Variants in NPFFR1 observed in about 807,000 individuals in gnomAD.
NPFFR1 encodes the protein G-protein coupled receptor 147.
A neutral mutation model predicts 12.7 loss-of-function variants in NPFFR1; 17 were observed. That is an observed-to-expected ratio of 1.34 (90% confidence interval 0.92 to 2.01). The LOEUF (loss-of-function observed/expected upper bound fraction) is 2.01. Among genes scored for constraint, NPFFR1 ranks in the 30% most tolerant of loss-of-function variants. The pLI is 0.00. For synonymous variants in NPFFR1, 296 were observed against 264.5 expected, an observed-to-expected ratio of 1.12 and a Z score of -1.16; for missense variants, 604 against 606.5, an observed-to-expected ratio of 1.00 and a Z score of 0.04.
rs1840478670 is a variant in NPFFR1, at chr10:70,248,528, C to T, written c.*6429G>A. On this transcript the variant is annotated 3_prime_UTR_variant, in exon 4 of 4. Coordinates refer to ENST00000277942, the MANE Select transcript of NPFFR1 (RefSeq NM_022146.5). Reference sequence around the variant, plus strand: ...TGAGATGGAGTCTCACTCTGTTGCCCAGGATAGAGTACAGTGGCGCTATCT... The same window carrying T: ...TGAGATGGAGTCTCACTCTGTTGCCTAGGATAGAGTACAGTGGCGCTATCT... 1 of 125,360 alleles carries T rather than the reference C, an allele frequency of 8.0e-6. No homozygotes were observed. Among genetic ancestry groups the T allele is most frequent in the African/African-American group, 3.1e-5 (1 of 32,366 alleles). 7.8% of individuals were successfully genotyped at this position (125,360 alleles called of 1,614,324 possible).
At position 70,280,683 on chromosome 10, in the gene NPFFR1, G is replaced by T. The variant is rs76482907; in HGVS notation, c.7+2987C>A. Reference sequence around the variant, plus strand: ...CATTATTTTCTTTCTTTTTGAAAACGCTTTTTTGTTTTGTTGTGCTTATTA... The same window carrying T: ...CATTATTTTCTTTCTTTTTGAAAACTCTTTTTTGTTTTGTTGTGCTTATTA... On this transcript the variant is annotated intron_variant, in intron 1 of 3. Transcript: ENST00000277942. Among the ~76,000 whole-genome samples the T allele has an allele frequency of 5.6e-4, 85 of 152,140 alleles. 1 individual carries two copies. In the East Asian group the frequency reaches 0.015, roughly 27 times the overall value.
At chr10:70,257,337 GC>G (rs1280898787) in intron 3 of NPFFR1, among the ~76,000 whole-genome samples, 4 of 152,172 alleles carry the variant, frequency 2.6e-5, no homozygotes, top group African/African-American at 9.7e-5. Flanking sequence ...CAGCCACTTT[GC>G]CCCAGCCATT....
intron 1 of NPFFR1, among the ~76,000 whole-genome samples, chr10:70,269,514 AT>A (rs112183102): frequency 0.11 from 15,068 of 140,940 alleles, 842 homozygotes; most frequent in East Asian, 0.19. Context: ...TCCCCACTGC[AT>A]TTTTTTTTTT....
intron 1 of NPFFR1, among the ~76,000 whole-genome samples, chr10:70,276,384 T>C (rs751464104): frequency 1.3e-5 from 2 of 152,176 alleles, no homozygotes; most frequent in Non-Finnish European, 2.9e-5. Context: ...TTAGGAAATA[T>C]TCTGATAAAC....
At position 70,283,757 on chromosome 10, in the gene NPFFR1, TCTCCGGG is replaced by T; in HGVS notation, c.-88_-82del. On this transcript the variant is annotated 5_prime_UTR_variant, in exon 1 of 4. Coordinates refer to ENST00000277942, the MANE Select transcript of NPFFR1 (RefSeq NM_022146.5). ...TTCGGGCCAGCGGGCAGAGGGACGG[TCTCCGGG>T]CACTTGGTTGCGGGCTGCGCCCCTG... 1 of 1,475,804 alleles carries T rather than the reference TCTCCGGG, an allele frequency of 6.8e-7. No individual in the cohort carries two copies. Among genetic ancestry groups the T allele is most frequent in the Non-Finnish European group, 9.1e-7 (1 of 1,094,524 alleles). The allele number at this position is 1,475,804 out of a possible 1,614,324, so 91.4% of individuals were successfully genotyped here. A position where few individuals can be genotyped will look rare whatever the true frequency, so the allele number is the denominator to read the frequency against.
chr10:70,283,724 CG>C lies in NPFFR1; in HGVS notation c.-49del. Reference sequence around the variant, plus strand: ...GGCGGTCTCCGATGGCGGGAGGCAGCGGGCCCCTTCGGGCCAGCGGGCAGAG... The same window carrying C: ...GGCGGTCTCCGATGGCGGGAGGCAGCGGCCCCTTCGGGCCAGCGGGCAGAG... On this transcript the variant is annotated 5_prime_UTR_variant, in exon 1 of 4. Coordinates refer to ENST00000277942, the MANE Select transcript of NPFFR1 (RefSeq NM_022146.5). 1 of 1,531,006 alleles carries C rather than the reference CG, an allele frequency of 6.5e-7. No homozygotes were observed. The highest frequency in any genetic ancestry group is 8.7e-7 in the Non-Finnish European group (1 of 1,143,646). 94.8% of individuals were successfully genotyped at this position (1,531,006 alleles called of 1,614,324 possible).
intron 1 of NPFFR1, among the ~76,000 whole-genome samples, chr10:70,277,425 A>G (rs964434275): frequency 5.9e-5 from 9 of 152,246 alleles, no homozygotes; most frequent in Admixed American, 3.3e-4. Flanking sequence ...CAGCCCCAGG[A>G]TGATGATATG....
rs1391515599 is a variant in NPFFR1 at position 70,266,357 on chromosome 10, GGGCCAACTGCTGTTGGGA to G, written c.24_41del (p.Pro9_Pro14del). ...CAGTGTTAGTCCCATTCTGACTTAG[GGGCCAACTGCTGTTGGGA>G]GGCTGGGAGGGCTCCCCTAGGACCA... On this transcript the variant is annotated inframe_deletion, in exon 2 of 4. Coordinates refer to ENST00000277942, the MANE Select transcript of NPFFR1 (RefSeq NM_022146.5). The G allele has an allele frequency of 6.2e-7, 1 of 1,613,554 alleles. No homozygotes were observed. The highest frequency in any genetic ancestry group is 1.3e-5 in the African/African-American group (1 of 75,020).
In NPFFR1 at chr10:70,261,928, G is replaced by A. The variant is rs1244015897; in HGVS notation, c.323-1189C>T. 2.6e-5 allele frequency among the ~76,000 whole-genome samples: 4 copies of A among 152,158 alleles called. No homozygotes were observed. In the East Asian group the frequency reaches 7.7e-4, roughly 29 times the overall value. On this transcript the variant is annotated intron_variant, in intron 2 of 3. Coordinates refer to ENST00000277942, the MANE Select transcript of NPFFR1 (RefSeq NM_022146.5). ...CCTGAGCAGCTGGAACCACAGGCAT[G>A]TGGTTTGCAAAAAGCAAAGTATAAA...
chr10:70,281,242 A>C (rs1041084565), intron 1 of NPFFR1, among the ~76,000 whole-genome samples: 1 of 152,170 alleles, frequency 6.6e-6, no homozygotes, highest in Non-Finnish European at 1.5e-5. Context: ...GGGACAACCC[A>C]AAACTGCAGG....
intron 2 of NPFFR1, among the ~76,000 whole-genome samples, chr10:70,261,331 G>C (rs1840631270): frequency 6.6e-6 from 1 of 152,130 alleles, no homozygotes; most frequent in Non-Finnish European, 1.5e-5. Flanking sequence ...ATGATTGTAA[G>C]TTTCCTGAGG....
intron 2 of NPFFR1, among the ~76,000 whole-genome samples, chr10:70,263,130 G>C (rs752683185): frequency 1.3e-5 from 2 of 151,978 alleles, no homozygotes; most frequent in African/African-American, 4.8e-5. Flanking sequence ...TCTCACCACC[G>C]CACTCCAGCC....
chr10:70,269,708 A>T (rs1589913977), intron 1 of NPFFR1, among the ~76,000 whole-genome samples: 1 of 152,052 alleles, frequency 6.6e-6, no homozygotes, highest in Non-Finnish European at 1.5e-5. Flanking sequence ...ACAGTGTTTC[A>T]CCATGTTGGC....
chr10:70,283,467 A>G (rs978806236), intron 1 of NPFFR1, among the ~76,000 whole-genome samples: 1 of 151,814 alleles, frequency 6.6e-6, no homozygotes, highest in Non-Finnish European at 1.5e-5. Flanking sequence ...ACACGCACAC[A>G]CACACACACC....
chr10:70,272,521 T>C (rs1840761789), intron 1 of NPFFR1, among the ~76,000 whole-genome samples: 2 of 152,244 alleles, frequency 1.3e-5, no homozygotes, highest in African/African-American at 4.8e-5. Flanking sequence ...TGATGGCTGT[T>C]AACTACACGA....
intron 1 of NPFFR1, among the ~76,000 whole-genome samples, chr10:70,279,921 T>C (rs920074781): frequency 2.6e-5 from 4 of 152,384 alleles, no homozygotes; most frequent in East Asian, 1.9e-4. Flanking sequence ...GCCACTCTAC[T>C]CTCTGGTTCT....
In NPFFR1 at chr10:70,250,268, A is replaced by G. The variant is rs1450816848; in HGVS notation, c.*4689T>C. The G allele has an allele frequency of 6.6e-6, 1 of 152,218 alleles. No homozygotes were observed. Among genetic ancestry groups the G allele is most frequent in the Non-Finnish European group, 1.5e-5 (1 of 68,050 alleles). The allele number at this position is 152,218 out of a possible 1,614,324, so 9.4% of individuals were successfully genotyped here. A position where few individuals can be genotyped will look rare whatever the true frequency, so the allele number is the denominator to read the frequency against. Reference sequence around the variant, plus strand: ...GTTGGCCAGGATGTAGAACAACTGGAACATTCATACACTGCTGATGGGAGT... The same window carrying G: ...GTTGGCCAGGATGTAGAACAACTGGGACATTCATACACTGCTGATGGGAGT... On this transcript the variant is annotated 3_prime_UTR_variant, in exon 4 of 4. Transcript: ENST00000277942.
At chr10:70,268,103 C>G (rs996779130) in intron 1 of NPFFR1, among the ~76,000 whole-genome samples, 1 of 151,990 alleles carries the variant, frequency 6.6e-6, no homozygotes, top group Non-Finnish European at 1.5e-5. Flanking sequence ...TATAAAGAAC[C>G]CCCATGTATA....
At chr10:70,281,335 C>T (rs1840859860) in intron 1 of NPFFR1, among the ~76,000 whole-genome samples, 2 of 152,290 alleles carry the variant, frequency 1.3e-5, no homozygotes, top group African/African-American at 2.4e-5. Flanking sequence ...TCACCCTGCA[C>T]TTTTCTCAGA....
Sources: allele counts gnomAD v4.1 joint callset (sites outside exome capture counted in the v4.1 genomes callset), GRCh38; gene constraint gnomAD v4.1.1; transcripts MANE v1.5; gene names NCBI Gene and HGNC (gene_info 2026-07-23, HGNC 2026-07-21).